The following PDLIM1 variants were observed in gnomAD, a reference collection of about 807,000 sequenced individuals.
PDLIM1 encodes PDZ and LIM domain 1, also known as PDZ and LIM domain protein 1.
A neutral mutation model predicts 35.2 loss-of-function variants in PDLIM1; 25 were observed. That is an observed-to-expected ratio of 0.71 (90% confidence interval 0.52 to 0.99). The LOEUF is 0.99. Ranked by LOEUF, PDLIM1 falls within the 50% of genes least tolerant of loss-of-function variation. PDLIM1 has a pLI of 0.00. For synonymous variants in PDLIM1, 152 were observed against 154.0 expected (o/e 0.99, Z 0.10); for missense variants, 363 against 415.3 (o/e 0.87, Z 1.09).
chr10:95,253,174 G>A (rs2035280957), intron 4 of PDLIM1, among the ~76,000 whole-genome samples: 1 of 152,076 alleles, frequency 6.6e-6, no homozygotes, highest in Non-Finnish European at 1.5e-5. Context: ...TCAAAAGACA[G>A]CAGATTTCTT....
intron 1 of PDLIM1, among the ~76,000 whole-genome samples, chr10:95,281,026 C>T (rs1451249776): frequency 6.6e-6 from 1 of 152,072 alleles, no homozygotes; most frequent in African/African-American, 2.4e-5. Context: ...TTAAAGCTTC[C>T]CAGAAAATGT....
chr10:95,258,596 C>T (rs2035336026), intron 4 of PDLIM1, among the ~76,000 whole-genome samples: 1 of 152,112 alleles, frequency 6.6e-6, no homozygotes, highest in East Asian at 1.9e-4. Context: ...AAATGCATGA[C>T]TCCAATTATA....
chr10:95,257,211 G>A (rs961051104), intron 4 of PDLIM1, among the ~76,000 whole-genome samples: 2 of 151,582 alleles, frequency 1.3e-5, no homozygotes, highest in East Asian at 3.9e-4. Context: ...CTGAGACCCT[G>A]TCTCTATTAA....
intron 5 of PDLIM1, among the ~76,000 whole-genome samples, chr10:95,242,365 T>G (rs1390157541): frequency 6.6e-6 from 1 of 152,066 alleles, no homozygotes; most frequent in Non-Finnish European, 1.5e-5. Flanking sequence ...TTTTCATGAT[T>G]ATTGAGTTTT....
chr10:95,271,426 G>T (rs535184051), intron 2 of PDLIM1, among the ~76,000 whole-genome samples: 2 of 133,002 alleles, frequency 1.5e-5, no homozygotes, highest in East Asian at 4.3e-4. Flanking sequence ...AACAGAGTGA[G>T]ACTCCGTCTC....
chr10:95,262,827 T>G (rs1007642559), intron 4 of PDLIM1, among the ~76,000 whole-genome samples: 1 of 152,170 alleles, frequency 6.6e-6, no homozygotes, highest in Admixed American at 6.5e-5. Flanking sequence ...TGGGCCCCTC[T>G]GCTGGCAAGA....
intron 4 of PDLIM1, among the ~76,000 whole-genome samples, chr10:95,261,671 C>T (rs1033219831): frequency 1.1e-4 from 17 of 152,096 alleles, no homozygotes; most frequent in Admixed American, 7.2e-4. Flanking sequence ...CAAAGTCACA[C>T]AGAAAAAAGT....
At chr10:95,240,108 A>G (rs1027654993) in intron 5 of PDLIM1, among the ~76,000 whole-genome samples, 2 of 152,170 alleles carry the variant, frequency 1.3e-5, no homozygotes, top group Admixed American at 6.6e-5. Flanking sequence ...AAGCACAAAT[A>G]CCATTCAGCC....
At chr10:95,271,821 G>C (rs2133432929) in intron 1 of PDLIM1, 37 bp from the exon 2 acceptor site, 1 of 1,601,916 alleles carries the variant, frequency 6.2e-7, no homozygotes, top group Non-Finnish European at 8.5e-7. Flanking sequence ...GTTACTATTT[G>C]TCTCCAAACC....
intron 4 of PDLIM1, among the ~76,000 whole-genome samples, chr10:95,256,333 A>T (rs2035310278): frequency 6.6e-6 from 1 of 152,162 alleles, no homozygotes; most frequent in African/African-American, 2.4e-5. Context: ...TTTTGCAGAT[A>T]AAAAAACATC....
intron 5 of PDLIM1, among the ~76,000 whole-genome samples, chr10:95,242,134 T>C (rs1231967193): frequency 6.6e-6 from 1 of 152,088 alleles, no homozygotes; most frequent in Non-Finnish European, 1.5e-5. Context: ...TTTTAAGTGG[T>C]GAGCTCTACA....
intron 1 of PDLIM1, among the ~76,000 whole-genome samples, chr10:95,275,110 T>C (rs1243782554): frequency 2.0e-5 from 3 of 152,192 alleles, no homozygotes; most frequent in Non-Finnish European, 4.4e-5. Context: ...CCTTTTGCGA[T>C]GTCCTTTCAG....
chr10:95,285,301 C>T (rs551251393), intron 1 of PDLIM1, among the ~76,000 whole-genome samples: 31 of 152,270 alleles, frequency 2.0e-4, no homozygotes, highest in Non-Finnish European at 3.5e-4. Context: ...AGAGCCACCC[C>T]AACCAACCTC....
At position 95,256,985 on chromosome 10, in the gene PDLIM1, AAAAAGAAAGAAAGAAAG is replaced by A. The variant is rs1306155188; in HGVS notation, c.533+6862_533+6878del. Among the ~76,000 whole-genome samples, 211 of 119,286 alleles carry A rather than the reference AAAAAGAAAGAAAGAAAG, an allele frequency of 1.8e-3. 1 individual carries two copies. The Middle Eastern group carries it at 0.022, about 13-fold the overall frequency. The allele number at this position is 119,286 out of a possible 152,430, so 78.3% of individuals were successfully genotyped here. A position where few individuals can be genotyped will look rare whatever the true frequency, so the allele number is the denominator to read the frequency against. ...ATGAGACTTCATCTTAAAAAAAAAA[AAAAAGAAAGAAAGAAAG>A]AAAGAAAGAAAGAAAGAAAGAAAGA... On this transcript the variant is annotated intron_variant, in intron 4 of 6. Transcript: ENST00000329399.
At chr10:95,269,370 G>C (rs1363294244) in intron 2 of PDLIM1, among the ~76,000 whole-genome samples, 2 of 152,110 alleles carry the variant, frequency 1.3e-5, no homozygotes, top group African/African-American at 2.4e-5. Context: ...TCTGGAGTTT[G>C]ACATCAGCCT....
In PDLIM1 at chr10:95,238,683, C is replaced by A. The variant is rs1314098167; in HGVS notation, c.688G>T (p.Asp230Tyr). The A allele has an allele frequency of 2.5e-6, 4 of 1,602,162 alleles. No homozygotes were observed. The highest frequency in any genetic ancestry group is 3.4e-6 in the Non-Finnish European group (4 of 1,169,186). ...CTGAATCCTGAGGGCTTGTTGGGATCCCCTGAAATGAGGAAAACACTGTCA... is the reference window on the plus strand; with the variant it reads ...CTGAATCCTGAGGGCTTGTTGGGATACCCTGAAATGAGGAAAACACTGTCA... ...QEILESEEKG[D>Y]PNKPSGFRSV... The change falls in exon 6 of 7, where the codon GAT (aspartate) becomes TAT (tyrosine). Residue 230 changes from aspartate (D) to tyrosine (Y), a missense_variant and splice_region_variant. Coordinates refer to ENST00000329399, the MANE Select transcript of PDLIM1 (RefSeq NM_020992.4).
In PDLIM1 at chr10:95,290,902, T is replaced by C. The variant is rs1307950414; in HGVS notation, c.14A>G (p.Gln5Arg). The C allele has an allele frequency of 1.3e-6, 2 of 1,555,904 alleles. No individual in the cohort carries two copies. Among genetic ancestry groups the C allele is most frequent in the Non-Finnish European group, 1.7e-6 (2 of 1,150,128 alleles). MTTQ[Q>R]IDLQGPGPWG... The stretch of plus-strand genomic sequence containing the variant: ...CGGCCCCGGGCCCTGGAGGTCTATC[T>C]GCTGGGTGGTCATGGCGCGGCTGTG... The change falls in exon 1 of 7, where the codon CAG (glutamine) becomes CGG (arginine). Residue 5 changes from glutamine (Q) to arginine (R), a missense_variant. By Grantham distance (43) the Gln-to-Arg change is conservative (BLOSUM62 1). Transcript: ENST00000329399. The surrounding 1 kb of genome is among the most constrained non-coding windows in gnomAD (Gnocchi z 4.7).
At chr10:95,241,676 A>C (rs952618215) in intron 5 of PDLIM1, among the ~76,000 whole-genome samples, 1 of 152,194 alleles carries the variant, frequency 6.6e-6, no homozygotes, top group Non-Finnish European at 1.5e-5. Flanking sequence ...AGCCAACGTG[A>C]GCAGATGTGA....
chr10:95,242,070 C>T (rs2035183221), intron 5 of PDLIM1, among the ~76,000 whole-genome samples: 1 of 152,188 alleles, frequency 6.6e-6, no homozygotes, highest in African/African-American at 2.4e-5. Context: ...CCGATGCACA[C>T]AGATGTCCAC....
Sources: allele counts gnomAD v4.1 joint callset (sites outside exome capture counted in the v4.1 genomes callset), GRCh38; gene constraint gnomAD v4.1.1; non-coding constraint Gnocchi (gnomAD v3.1); transcripts MANE v1.5; gene names NCBI Gene and HGNC (gene_info 2026-07-23, HGNC 2026-07-21).